CSMD3: variants seen among roughly 807,000 people sequenced by gnomAD.
CSMD3 encodes the protein CUB and sushi domain-containing protein 3.
CSMD3 carries 177 observed loss-of-function variants against 435.2 expected under a neutral mutation model. That is an observed-to-expected ratio of 0.41 (90% CI 0.36 to 0.46). The LOEUF (loss-of-function observed/expected upper bound fraction) is 0.46, where lower values mean the gene tolerates loss of function less well. CSMD3 is among the 20% of genes least tolerant of loss of function. CSMD3 has a pLI of 0.34. For synonymous variants in CSMD3, 1,656 were observed against 1,520.5 expected, an observed-to-expected ratio of 1.09 and a Z score of -2.07; for missense variants, 4,265 against 4,504.6, an observed-to-expected ratio of 0.95 and a Z score of 1.52.
At chr8:112,355,706 G>A (rs1276257129) in intron 38 of CSMD3, among the ~76,000 whole-genome samples, 2 of 152,024 alleles carry the variant, frequency 1.3e-5, no homozygotes, top group Non-Finnish European at 2.9e-5. Context: ...GGTGGCAGGT[G>A]CCTGTAGTCC....
intron 13 of CSMD3, among the ~76,000 whole-genome samples, chr8:112,738,597 T>A (rs901355123): frequency 6.6e-6 from 1 of 151,608 alleles, no homozygotes; most frequent in Non-Finnish European, 1.5e-5. Context: ...CCTTAAATAT[T>A]TCTCAGAAAA....
intron 30 of CSMD3, among the ~76,000 whole-genome samples, chr8:112,502,105 T>C (rs181524596): frequency 8.3e-4 from 127 of 152,272 alleles, no homozygotes; most frequent in African/African-American, 2.9e-3. Flanking sequence ...CTCATTATGG[T>C]TTGCCTACAT....
At chr8:112,974,210 T>G (rs1266152030) in intron 7 of CSMD3, among the ~76,000 whole-genome samples, 2 of 151,942 alleles carry the variant, frequency 1.3e-5, no homozygotes, top group African/African-American at 4.8e-5. Context: ...TAAAAGTATT[T>G]AATTTAATTT....
rs541456288 is a variant in CSMD3 at position 112,757,116 on chromosome 8, C to T, written c.1972+43046G>A. On this transcript the variant is annotated intron_variant, in intron 13 of 70. Transcript: ENST00000297405. ...TTTTTGGAAATATATTTTATTTTGA[C>T]CTTCACCATAAAAAACTTTTAATAC... Among the ~76,000 whole-genome samples the T allele has an allele frequency of 8.5e-5, 13 of 152,080 alleles. No homozygotes were observed. The South Asian group carries it at 2.5e-3, about 29-fold the overall frequency.
At chr8:112,849,592 T>A (rs1264374148) in intron 11 of CSMD3, among the ~76,000 whole-genome samples, 1 of 151,862 alleles carries the variant, frequency 6.6e-6, no homozygotes, top group South Asian at 2.1e-4. Flanking sequence ...GAAATAAGCA[T>A]ATTATCAATT....
chr8:112,524,007 CT>C (rs1326552677), intron 27 of CSMD3, among the ~76,000 whole-genome samples: 2 of 152,016 alleles, frequency 1.3e-5, no homozygotes, highest in African/African-American at 4.8e-5. Flanking sequence ...ATAGAAATCT[CT>C]TTTTTAAAAA....
At chr8:112,251,931 C>A (rs1420851) in intron 63 of CSMD3, among the ~76,000 whole-genome samples, 100,733 of 151,542 alleles carry the variant, frequency 0.66, 35,280 homozygotes, top group African/African-American at 0.89. Flanking sequence ...TATTTTAATA[C>A]AAAGACAAAT....
At chr8:112,619,700 A>G (rs1231562963) in intron 22 of CSMD3, among the ~76,000 whole-genome samples, 1 of 152,040 alleles carries the variant, frequency 6.6e-6, no homozygotes, top group Non-Finnish European at 1.5e-5. Flanking sequence ...GCTCTTGCCC[A>G]CCCAAAGGCA....
rs545471121 is a variant in CSMD3, at chr8:112,666,118, G to T, written c.2816+159C>A. ...AAATAGAAAATTAACTTGGAAACAC[G>T]CTGAAAGGTTAAAAGGGGGCAAACA... On this transcript the variant is annotated intron_variant, in intron 17 of 70. Coordinates refer to ENST00000297405, the MANE Select transcript of CSMD3 (RefSeq NM_198123.2). Among the ~76,000 whole-genome samples, 60 of 152,196 alleles carry T rather than the reference G, an allele frequency of 3.9e-4. No individual in the cohort carries two copies. In the South Asian group the frequency reaches 0.012, roughly 31 times the overall value.
At chr8:113,419,879 T>C (rs1467430553) in intron 1 of CSMD3, among the ~76,000 whole-genome samples, 4 of 152,126 alleles carry the variant, frequency 2.6e-5, no homozygotes, top group Non-Finnish European at 4.4e-5. Context: ...ACTAATCTAA[T>C]GGTAGCCTTA....
intron 67 of CSMD3, among the ~76,000 whole-genome samples, chr8:112,236,384 G>A (rs1430794859): frequency 6.6e-6 from 1 of 151,996 alleles, no homozygotes; most frequent in African/African-American, 2.4e-5. Context: ...TGTTTCAGAT[G>A]TTCTGCTAGC....
At chr8:112,829,956 A>G (rs2132478976) in intron 11 of CSMD3, among the ~76,000 whole-genome samples, 167 bp from the exon 12 acceptor site, 1 of 152,130 alleles carries the variant, frequency 6.6e-6, no homozygotes, top group African/African-American at 2.4e-5. Flanking sequence ...AAATATATAT[A>G]TAATTTCATA....
intron 2 of CSMD3, among the ~76,000 whole-genome samples, chr8:113,291,651 A>G (rs2132532926): frequency 6.6e-6 from 1 of 151,968 alleles, no homozygotes; most frequent in Middle Eastern, 3.4e-3. Flanking sequence ...TGGAAACCCA[A>G]GATGTTTGTT....
intron 22 of CSMD3, among the ~76,000 whole-genome samples, chr8:112,615,400 C>T (rs1266139027): frequency 6.6e-6 from 1 of 152,012 alleles, no homozygotes; most frequent in Non-Finnish European, 1.5e-5. Flanking sequence ...TTTTAAATGT[C>T]CATAGAGTAG....
intron 22 of CSMD3, among the ~76,000 whole-genome samples, chr8:112,600,674 A>AT (rs1000988580): frequency 1.9e-4 from 28 of 151,178 alleles, no homozygotes; most frequent in East Asian, 1.8e-3. Context: ...ATATCTCATG[A>AT]TTTTTTTTTC....
rs746236298 is a variant in CSMD3 at position 113,018,725 on chromosome 8, G to A, written c.1030+342C>T. 76 of 270,230 alleles carry A rather than the reference G, an allele frequency of 2.8e-4. 1 individual carries two copies. The highest frequency in any genetic ancestry group is 2.4e-3 in the South Asian group (52 of 21,744). The allele number at this position is 270,230 out of a possible 1,614,324, so 16.7% of individuals were successfully genotyped here. On this transcript the variant is annotated intron_variant, in intron 6 of 70. Coordinates refer to ENST00000297405, the MANE Select transcript of CSMD3 (RefSeq NM_198123.2). Reference sequence around the variant, plus strand: ...AGGTGAGTTTCGATTGAGAAAGAGCGTACATGCAACTGAAGGTTTTCTGCA... The same window carrying A: ...AGGTGAGTTTCGATTGAGAAAGAGCATACATGCAACTGAAGGTTTTCTGCA...
chr8:113,153,101 A>AAAGGAAG, intron 4 of CSMD3, among the ~76,000 whole-genome samples: 1 of 100,052 alleles, frequency 1.0e-5, no homozygotes, highest in Admixed American at 1.0e-4. Context: ...AGAAAGAAAG[A>AAAGGAAG]AAAGAAAGAA....
chr8:112,596,936 C>G (rs1020487968), intron 22 of CSMD3, among the ~76,000 whole-genome samples: 1 of 151,656 alleles, frequency 6.6e-6, no homozygotes, highest in Non-Finnish European at 1.5e-5. Flanking sequence ...AATTGACACC[C>G]TAACATCACA....
At chr8:112,675,045 C>T (rs1320884010) in intron 16 of CSMD3, among the ~76,000 whole-genome samples, 2 of 152,018 alleles carry the variant, frequency 1.3e-5, no homozygotes, top group Non-Finnish European at 2.9e-5. Context: ...CAGCTAGAAC[C>T]CACTTAAGCT....
Sources: allele counts gnomAD v4.1 joint callset (sites outside exome capture counted in the v4.1 genomes callset), GRCh38; gene constraint gnomAD v4.1.1; transcripts MANE v1.5; gene names NCBI Gene and HGNC (gene_info 2026-07-23, HGNC 2026-07-21).